Variants in GNA12 observed in about 807,000 individuals in gnomAD.
GNA12 encodes guanine nucleotide-binding protein subunit alpha-12.
A neutral mutation model predicts 26.0 loss-of-function variants in GNA12; 9 were observed. The ratio of observed to expected loss-of-function variants is 0.35; its 90% CI spans 0.21 to 0.60. GNA12 has a LOEUF of 0.60. Ranked by LOEUF, GNA12 falls within the 20% of genes least tolerant of loss-of-function variation. GNA12 has a pLI of 0.78. For synonymous variants in GNA12, 264 were observed against 219.6 expected (o/e 1.20, Z -1.79); for missense variants, 405 against 525.8 (o/e 0.77, Z 2.25).
chr7:2,761,873 T>A (rs1321573687), intron 2 of GNA12, among the ~76,000 whole-genome samples: 1 of 152,170 alleles, frequency 6.6e-6, no homozygotes, highest in African/African-American at 2.4e-5. Context: ...CAACGTAAAA[T>A]TCGGCTTCCA....
At chr7:2,755,083 C>T (rs916457251) in intron 2 of GNA12, among the ~76,000 whole-genome samples, 5 of 152,182 alleles carry the variant, frequency 3.3e-5, no homozygotes, top group Admixed American at 2.6e-4. Context: ...ATCAGTCGGG[C>T]GTGCTGGCGG....
intron 2 of GNA12, among the ~76,000 whole-genome samples, chr7:2,753,089 G>C (rs1425755818): frequency 6.6e-6 from 1 of 151,672 alleles, no homozygotes; most frequent in African/African-American, 2.4e-5. Flanking sequence ...TCACTGATCT[G>C]TTTTCTGTTC....
intron 2 of GNA12, among the ~76,000 whole-genome samples, chr7:2,749,961 C>G (rs768037883): frequency 6.6e-6 from 1 of 152,118 alleles, no homozygotes; most frequent in African/African-American, 2.4e-5. Flanking sequence ...CAGAAGAGAA[C>G]AAAGAGAGTG....
chr7:2,780,389 A>T (rs1583275519), intron 2 of GNA12, among the ~76,000 whole-genome samples: 1 of 152,164 alleles, frequency 6.6e-6, no homozygotes, highest in Non-Finnish European at 1.5e-5. Flanking sequence ...ATTGTAAATT[A>T]TAACAATATA....
intron 2 of GNA12, among the ~76,000 whole-genome samples, chr7:2,780,056 A>G (rs1350922313): frequency 0.026 from 935 of 35,666 alleles, 11 homozygotes; most frequent in South Asian, 0.036. Context: ...GTGTACATAT[A>G]TATATATATA....
intron 2 of GNA12, among the ~76,000 whole-genome samples, chr7:2,737,787 G>A (rs1790283727): frequency 6.6e-6 from 1 of 152,126 alleles, no homozygotes; most frequent in Non-Finnish European, 1.5e-5. Flanking sequence ...CTATGCCAAA[G>A]GCCCAGGTTT....
intron 2 of GNA12, among the ~76,000 whole-genome samples, chr7:2,792,570 T>C (rs1236734805): frequency 6.6e-6 from 1 of 152,212 alleles, no homozygotes; most frequent in Non-Finnish European, 1.5e-5. Context: ...AAGTTCTAAA[T>C]GAATGAGAAT....
At chr7:2,782,933 G>T (rs1792266906) in intron 2 of GNA12, among the ~76,000 whole-genome samples, 1 of 152,090 alleles carries the variant, frequency 6.6e-6, no homozygotes, top group East Asian at 1.9e-4. Context: ...GAGTTTTTTA[G>T]TTTTAAATGT....
At chr7:2,834,651 G>C (rs1173511836) in intron 1 of GNA12, among the ~76,000 whole-genome samples, 2 of 152,210 alleles carry the variant, frequency 1.3e-5, no homozygotes, top group Non-Finnish European at 2.9e-5. Flanking sequence ...ACTGCATAAT[G>C]ATGTTTTGGT....
intron 1 of GNA12, among the ~76,000 whole-genome samples, chr7:2,822,539 C>A (rs1017258977): frequency 6.6e-6 from 1 of 152,192 alleles, no homozygotes; most frequent in East Asian, 1.9e-4. Flanking sequence ...AGCCCAAGAG[C>A]GTGAGATCAG....
intron 2 of GNA12, among the ~76,000 whole-genome samples, chr7:2,763,526 T>C (rs564890692): frequency 2.6e-5 from 4 of 152,334 alleles, no homozygotes; most frequent in East Asian, 3.9e-4. Context: ...CTCCAGTCCA[T>C]GTCCCAAGCA....
intron 2 of GNA12, among the ~76,000 whole-genome samples, chr7:2,791,179 T>A (rs1194847027): frequency 1.3e-5 from 2 of 152,252 alleles, no homozygotes; most frequent in Admixed American, 1.3e-4. Flanking sequence ...GTTATACCGA[T>A]GACCAAAGTC....
chr7:2,740,771 G>A (rs1047143672), intron 2 of GNA12, among the ~76,000 whole-genome samples: 7 of 152,140 alleles, frequency 4.6e-5, no homozygotes, highest in African/African-American at 1.2e-4. Context: ...AGGGCTCGCC[G>A]CGGTGACTCA....
intron 1 of GNA12, among the ~76,000 whole-genome samples, chr7:2,809,216 C>T (rs1479088343): frequency 2.0e-5 from 3 of 152,178 alleles, no homozygotes; most frequent in Non-Finnish European, 1.5e-5. Flanking sequence ...TCTGTTCACA[C>T]CCGTGTCCCC....
chr7:2,777,680 A>G (rs1189162706), intron 2 of GNA12, among the ~76,000 whole-genome samples: 1 of 152,040 alleles, frequency 6.6e-6, no homozygotes, highest in Non-Finnish European at 1.5e-5. Flanking sequence ...CTCACCAGGA[A>G]CCCCACCGGC....
At chr7:2,806,493 A>G (rs1792953542) in intron 1 of GNA12, among the ~76,000 whole-genome samples, 1 of 151,616 alleles carries the variant, frequency 6.6e-6, no homozygotes, top group African/African-American at 2.4e-5. Context: ...AAGAAAAAAG[A>G]AGAAAGAACT....
intron 2 of GNA12, among the ~76,000 whole-genome samples, chr7:2,786,830 C>A (rs1295427546): frequency 6.6e-6 from 1 of 152,192 alleles, no homozygotes; most frequent in Non-Finnish European, 1.5e-5. Flanking sequence ...CATCCCCAAC[C>A]CACCATGCCC....
chr7:2,806,652 C>T (rs1222287862), intron 1 of GNA12, among the ~76,000 whole-genome samples: 1 of 152,090 alleles, frequency 6.6e-6, no homozygotes, highest in Non-Finnish European at 1.5e-5. Flanking sequence ...TTATTCTTTA[C>T]AGAACATTTT....
At chr7:2,772,809 TGCATA>T (rs1583268855) in intron 2 of GNA12, among the ~76,000 whole-genome samples, 1 of 152,208 alleles carries the variant, frequency 6.6e-6, no homozygotes, top group East Asian at 1.9e-4. Context: ...GAGAAATCAG[TGCATA>T]TATCCATTAA....
Sources: allele counts gnomAD v4.1 joint callset (sites outside exome capture counted in the v4.1 genomes callset), GRCh38; gene constraint gnomAD v4.1.1; transcripts MANE v1.5; gene names NCBI Gene and HGNC (gene_info 2026-07-23, HGNC 2026-07-21).